The following USP24 variants were observed in gnomAD, a reference collection of about 807,000 sequenced individuals.
USP24 encodes ubiquitin carboxyl-terminal hydrolase 24.
A neutral mutation model predicts 361.6 loss-of-function variants in USP24; 97 were observed. That is an observed-to-expected ratio of 0.27 (90% CI 0.23 to 0.32). The LOEUF is 0.32. Ranked by LOEUF, USP24 falls within the 10% of genes least tolerant of loss-of-function variation. The pLI, the probability that USP24 is intolerant of heterozygous loss-of-function variation, is 1.00. For synonymous variants in USP24, 1,098 were observed against 1,124.6 expected, an observed-to-expected ratio of 0.98 and a Z score of 0.47; for missense variants, 2,353 against 3,165.6, an observed-to-expected ratio of 0.74 and a Z score of 6.16.
intron 16 of USP24, among the ~76,000 whole-genome samples, chr1:55,152,683 T>C (rs1187090096): frequency 2.0e-5 from 3 of 152,182 alleles, no homozygotes; most frequent in Non-Finnish European, 4.4e-5. Flanking sequence ...GAAAGCAATG[T>C]TATTGAGTTA....
chr1:55,107,112 C>T, intron 40 of USP24, 127 bp downstream of exon 40: 1 of 1,118,610 alleles, frequency 8.9e-7, no homozygotes, highest in South Asian at 1.9e-5. Context: ...GGACAATTTC[C>T]TACTGTGTGA....
chr1:55,098,711 C>T (rs146276797), intron 45 of USP24, among the ~76,000 whole-genome samples, 153 bp from the exon 46 acceptor site: 1 of 152,250 alleles, frequency 6.6e-6, no homozygotes, highest in East Asian at 1.9e-4. Flanking sequence ...CCATTATTGG[C>T]CCCACTGTCA....
intron 30 of USP24, 148 bp downstream of exon 30, chr1:55,133,922 T>C (rs1196549983): frequency 1.3e-6 from 1 of 772,140 alleles, no homozygotes. Flanking sequence ...CGTGAGCCAC[T>C]GCACTGGGCT....
At chr1:55,138,808 T>C (rs1368023309) in intron 25 of USP24, 90 bp from the exon 26 acceptor site, 1 of 1,308,976 alleles carries the variant, frequency 7.6e-7, no homozygotes, top group East Asian at 2.5e-5. Flanking sequence ...TGAATGAAGA[T>C]GCTTTTTTAA....
intron 8 of USP24, 63 bp downstream of exon 8, chr1:55,162,136 A>C (rs1314246038): frequency 1.4e-6 from 2 of 1,449,278 alleles, no homozygotes; most frequent in African/African-American, 1.4e-5. Context: ...CCTGATAAAA[A>C]GAAGTTATTA....
Position 55,089,655 on chromosome 1 carries a change from T to C in USP24, c.6640A>G (p.Ile2214Val), listed in dbSNP as rs1042525151. 4.4e-6 allele frequency: 7 copies of C among 1,597,714 alleles called. No homozygotes were observed. The highest frequency in any genetic ancestry group is 1.6e-4 in the Middle Eastern group (1 of 6,062). The part of the protein sequence containing the change: ...DACQWLVEYF[I>V]SSEGRELIKI... ...ATCAATTCTCGTCCTTCAGAACTAA[T>C]AAAATATTCAACTAACCACTGACAA... is the stretch of plus-strand genomic sequence containing the variant. Residue 2214 changes from isoleucine to valine, a missense_variant, in exon 55 of 68, where the codon ATT (isoleucine) becomes GTT (valine). By Grantham distance (29) the Ile-to-Val change is conservative (BLOSUM62 3). Coordinates refer to ENST00000294383, the MANE Select transcript of USP24 (RefSeq NM_015306.3).
At chr1:55,110,319 C>CA (rs1395629927) in intron 38 of USP24, 73 bp from the exon 39 acceptor site, 3 of 1,255,438 alleles carry the variant, frequency 2.4e-6, no homozygotes, top group African/African-American at 1.5e-5. Context: ...CTTGTAAGAA[C>CA]AAATTCATAA....
intron 5 of USP24, among the ~76,000 whole-genome samples, chr1:55,169,935 C>G (rs1272410651): frequency 3.3e-5 from 5 of 152,050 alleles, no homozygotes; most frequent in Non-Finnish European, 7.4e-5. Flanking sequence ...ATGCAACATT[C>G]TAAGGTCTTT....
In USP24 at chr1:55,076,822, A is replaced by G. The variant is rs551529292; in HGVS notation, c.7380+413T>C. On this transcript the variant is annotated intron_variant, in intron 62 of 67. Transcript: ENST00000294383. ...CTTAAAAATATTTTTCATAGTACGT[A>G]CATACAGTCAATAGTGTCTAAGATT... Among the ~76,000 whole-genome samples, 42 of 152,316 alleles carry G rather than the reference A, an allele frequency of 2.8e-4. 1 individual carries two copies. The South Asian group carries it at 8.7e-3, about 32-fold the overall frequency.
chr1:55,129,125 C>T (rs1452244367), intron 32 of USP24, among the ~76,000 whole-genome samples: 1 of 152,124 alleles, frequency 6.6e-6, no homozygotes, highest in East Asian at 1.9e-4. Flanking sequence ...TTTGCATCCC[C>T]AGCACTAATA....
At chr1:55,177,080 C>CA (rs1650053850) in intron 2 of USP24, among the ~76,000 whole-genome samples, 1 of 133,880 alleles carries the variant, frequency 7.5e-6, no homozygotes. Flanking sequence ...AACCCTGTCT[C>CA]AAAAATCAAA....
At chr1:55,158,727 A>T in intron 10 of USP24, 151 bp downstream of exon 10, 1 of 664,664 alleles carries the variant, frequency 1.5e-6, no homozygotes, top group Non-Finnish European at 2.1e-6. Flanking sequence ...ACCAACAATT[A>T]TATACAACAT....
intron 16 of USP24, among the ~76,000 whole-genome samples, chr1:55,151,564 G>A (rs566812961): frequency 4.1e-4 from 62 of 152,190 alleles, no homozygotes; most frequent in Admixed American, 2.4e-3. Flanking sequence ...GGAATATGCA[G>A]TACAACTAAC....
rs1417957712 is a variant in USP24, at chr1:55,125,520, T to C, written c.3760A>G (p.Thr1254Ala). ...TTGGTGAGGTCTTCATCTAATAACG[T>C]GGGCATTGTTTGTCCGACAAGTAAA... ...RFLLVGQTMPTLLDEDLTKDG... is the reference protein window; with the variant it reads ...RFLLVGQTMPALLDEDLTKDG... The change falls in exon 34 of 68, where the codon ACG (threonine) becomes GCG (alanine). Residue 1254 changes from threonine (T) to alanine (A), a missense_variant. Transcript: ENST00000294383. 1.2e-6 allele frequency: 2 copies of C among 1,613,656 alleles called. No homozygotes were observed. Among genetic ancestry groups the C allele is most frequent in the Non-Finnish European group, 1.7e-6 (2 of 1,179,710 alleles).
At chr1:55,114,131 TC>T (rs1646037128) in intron 38 of USP24, among the ~76,000 whole-genome samples, 1 of 152,098 alleles carries the variant, frequency 6.6e-6, no homozygotes, top group South Asian at 2.1e-4. Flanking sequence ...ATGAGTGAAC[TC>T]CCATTCACAA....
intron 28 of USP24, among the ~76,000 whole-genome samples, chr1:55,136,526 G>A (rs553036143): frequency 2.0e-5 from 3 of 152,284 alleles, no homozygotes; most frequent in East Asian, 1.9e-4. Context: ...AACTGTGAGA[G>A]CAGTTAGGGC....
rs1322216542 is a variant in USP24, at chr1:55,139,060, C to T, written c.2751-50G>A. 12 of 1,491,212 alleles carry T rather than the reference C, an allele frequency of 8.0e-6. No individual in the cohort carries two copies. In the Middle Eastern group the frequency reaches 5.7e-4, roughly 71 times the overall value. The allele number at this position is 1,491,212 out of a possible 1,614,324, so 92.4% of individuals were successfully genotyped here. ...TAAAATGTATTTGAAGTGTGATGAT[C>T]TGAGCTCAGTTCTAGTCTGTTTCAC... is the stretch of plus-strand genomic sequence containing the variant. On this transcript the variant is annotated intron_variant, in intron 24 of 67. Coordinates refer to ENST00000294383, the MANE Select transcript of USP24 (RefSeq NM_015306.3).
chr1:55,095,357 G>A lies in USP24; in HGVS notation c.6101C>T (p.Ala2034Val). The A allele has an allele frequency of 6.2e-7, 1 of 1,613,274 alleles. No homozygotes were observed. Among genetic ancestry groups the A allele is most frequent in the South Asian group, 1.1e-5 (1 of 90,918 alleles). ...CACCCTTTGGTAGAAAAGCATATAGGCATTCCAGTATCTTCGGCGCACATC... is the reference window on the plus strand; with the variant it reads ...CACCCTTTGGTAGAAAAGCATATAGACATTCCAGTATCTTCGGCGCACATC... ...YTDVRRRYWN[A>V]YMLFYQRVSD... The change falls in exon 51 of 68, where the codon GCC becomes GTC. Residue 2034 changes from alanine (A) to valine (V), a missense_variant. Transcript: ENST00000294383.
chr1:55,097,244 C>G (rs1015795498), intron 48 of USP24, 72 bp from the exon 49 acceptor site: 12 of 1,496,852 alleles, frequency 8.0e-6, no homozygotes, highest in Non-Finnish European at 1.0e-5. Context: ...TAAGTGAGAT[C>G]CAAATAAGAG....
Sources: allele counts gnomAD v4.1 joint callset (sites outside exome capture counted in the v4.1 genomes callset), GRCh38; gene constraint gnomAD v4.1.1; transcripts MANE v1.5; gene names NCBI Gene and HGNC (gene_info 2026-07-23, HGNC 2026-07-21).